Variants in LCTL observed in about 807,000 individuals in gnomAD.
LCTL encodes the protein lactase-like protein.
LCTL carries 76 observed loss-of-function variants against 75.8 expected under a neutral mutation model. That is an observed-to-expected ratio of 1.00 (90% CI 0.83 to 1.21). LCTL has a LOEUF of 1.21. LCTL is among the 50% of genes most tolerant of loss of function. The probability of loss-of-function intolerance (pLI) is 0.00; values close to 1 mark genes in which losing one functional copy is unlikely to be tolerated. For missense variants in LCTL, 670 were observed against 712.4 expected (o/e 0.94, Z 0.68); for synonymous variants, 271 against 268.8 (o/e 1.01, Z -0.08).
intron 4 of LCTL, among the ~76,000 whole-genome samples, chr15:66,563,263 C>T (rs140008207): frequency 6.6e-6 from 1 of 152,374 alleles, no homozygotes; most frequent in East Asian, 1.9e-4. Flanking sequence ...TTGGACTTCC[C>T]AGCCTCCAGA....
rs879529586 is a variant in LCTL at position 66,564,176 on chromosome 15, A to G, written c.283-178T>C. ...CACCTGCCCACTTCATGCAGGGGAT[A>G]TGCCAAGAGTCAAAGAAAACGCAGG... On this transcript the variant is annotated intron_variant, in intron 2 of 12. Transcript: ENST00000341509. 144 of 603,380 alleles carry G rather than the reference A, an allele frequency of 2.4e-4. 1 individual carries two copies. Among genetic ancestry groups the G allele is most frequent in the Admixed American group, 8.5e-5 (3 of 35,230 alleles). 37.4% of individuals were successfully genotyped at this position (603,380 alleles called of 1,614,324 possible).
At chr15:66,556,419 C>T (rs537040540) in intron 8 of LCTL, among the ~76,000 whole-genome samples, 2 of 152,302 alleles carry the variant, frequency 1.3e-5, no homozygotes, top group East Asian at 1.9e-4. Flanking sequence ...ATTCTCCTGC[C>T]TCAGCCTCCC....
chr15:66,565,417 C>G (rs1380016824), exon 1 of LCTL: 1 of 1,214,862 alleles, frequency 8.2e-7, no homozygotes, highest in Non-Finnish European at 1.2e-6. Context: ...TCTGCAGGCC[C>G]CTGCAGCCAG....
chr15:66,559,928 A>C (rs1351633149), intron 6 of LCTL, among the ~76,000 whole-genome samples: 1 of 151,826 alleles, frequency 6.6e-6, no homozygotes, highest in African/African-American at 2.4e-5. Context: ...CTCTATCAAA[A>C]ATGCAAAAAT....
chr15:66,559,529 A>G (rs1314735304), intron 6 of LCTL, among the ~76,000 whole-genome samples: 1 of 152,106 alleles, frequency 6.6e-6, no homozygotes, highest in Non-Finnish European at 1.5e-5. Flanking sequence ...AACATGGTGA[A>G]ACCCTGTCTC....
At chr15:66,548,179 A>C (rs969909924) in exon 13 of LCTL, 5 of 191,364 alleles carry the variant, frequency 2.6e-5, no homozygotes, top group African/African-American at 1.2e-4. Flanking sequence ...TAGAGTGATA[A>C]ACAATCAAGT....
At chr15:66,553,000 A>T in exon 9 of LCTL, 1 of 1,461,884 alleles carries the variant, frequency 6.8e-7, no homozygotes, top group Non-Finnish European at 9.0e-7. Flanking sequence ...AAAGTTAAGG[A>T]GCCTCCTAAA....
At chr15:66,565,208 C>CGACA (rs1567063395) in intron 1 of LCTL, 40 bp downstream of exon 2, 1 of 1,383,406 alleles carries the variant, frequency 7.2e-7, no homozygotes, top group South Asian at 1.2e-5. Flanking sequence ...GGCAGGTGGA[C>CGACA]GACAGACAGG....
chr15:66,559,152 G>A (rs959981086), intron 6 of LCTL, among the ~76,000 whole-genome samples: 14 of 151,880 alleles, frequency 9.2e-5, no homozygotes, highest in African/African-American at 3.1e-4. Context: ...TCAAATAGCT[G>A]GGACAACAGG....
chr15:66,561,610 A>G (rs1018102179), intron 4 of LCTL, among the ~76,000 whole-genome samples: 1 of 152,204 alleles, frequency 6.6e-6, no homozygotes, highest in African/African-American at 2.4e-5. Flanking sequence ...AAGCTCCTAG[A>G]AGCCTTGGGA....
chr15:66,560,926 G>T, intron 6 of LCTL, 80 bp downstream of exon 7: 1 of 1,296,302 alleles, frequency 7.7e-7, no homozygotes, highest in Non-Finnish European at 1.1e-6. Context: ...GAGCGGCAGA[G>T]GACCAAGCTC....
intron 9 of LCTL, among the ~76,000 whole-genome samples, chr15:66,552,499 T>G (rs941066584): frequency 6.6e-6 from 1 of 151,606 alleles, no homozygotes; most frequent in African/African-American, 2.4e-5. Flanking sequence ...GGTGAAAACC[T>G]GTCTCTACTA....
chr15:66,553,754 CAAAAA>C (rs35718768), intron 8 of LCTL, among the ~76,000 whole-genome samples: 2 of 73,074 alleles, frequency 2.7e-5, no homozygotes, highest in Admixed American at 2.8e-4. Flanking sequence ...GACTCCATCT[CAAAAA>C]AAAAAAAAAA....
chr15:66,564,491 CA>C, intron 2 of LCTL, 184 bp downstream of exon 3: 1 of 655,606 alleles, frequency 1.5e-6, no homozygotes, highest in South Asian at 2.1e-5. Flanking sequence ...TGGCCCCTCC[CA>C]AACCTTCACC....
exon 4 of LCTL, chr15:66,563,615 C>A: frequency 6.2e-7 from 1 of 1,608,244 alleles, no homozygotes; most frequent in South Asian, 1.1e-5. Flanking sequence ...CCTTCTTGTT[C>A]ACCTGCTCGG....
At chr15:66,564,093 G>A in intron 2 of LCTL, 95 bp from the exon 4 acceptor site, 1 of 795,262 alleles carries the variant, frequency 1.3e-6, no homozygotes, top group Non-Finnish European at 2.2e-6. Flanking sequence ...ACTCTTGTCT[G>A]TAGCTGTTAG....
chr15:66,553,136 T>C, exon 9 of LCTL: 1 of 1,612,070 alleles, frequency 6.2e-7, no homozygotes, highest in Non-Finnish European at 8.5e-7. Flanking sequence ...CTTTCCGTGA[T>C]GTACCGAGTA....
At chr15:66,553,615 C>T (rs1243346129) in intron 8 of LCTL, among the ~76,000 whole-genome samples, 1 of 151,678 alleles carries the variant, frequency 6.6e-6, no homozygotes, top group African/African-American at 2.4e-5. Context: ...ATTAGCCGGG[C>T]GTGGTGGCAG....
chr15:66,564,968 C>T, intron 1 of LCTL, 129 bp from the exon 3 acceptor site: 1 of 840,504 alleles, frequency 1.2e-6, no homozygotes, highest in Non-Finnish European at 1.8e-6. Context: ...CCACTGGGGA[C>T]TTGTCTTCCT....
Sources: gnomAD v4.1 joint callset for allele counts (sites outside exome capture counted in the v4.1 genomes callset) on GRCh38, gnomAD v4.1.1 for gene constraint, MANE v1.5 for transcripts, NCBI Gene and HGNC (gene_info 2026-07-23, HGNC 2026-07-21) for gene names.